Variants in MYL4 observed in about 807,000 individuals in gnomAD.
The protein encoded by MYL4 is atrial myosin light chain 1.
Under a neutral mutation model 21.6 loss-of-function variants are expected in MYL4, and 16 were observed. That is an observed-to-expected ratio of 0.74 (90% CI 0.50 to 1.12). MYL4 has a LOEUF of 1.12. MYL4 is among the 50% of genes most tolerant of loss of function. The pLI, the probability that MYL4 is intolerant of heterozygous loss-of-function variation, is 0.00. For missense variants in MYL4, 249 were observed against 252.9 expected (o/e 0.98, Z 0.11); for synonymous variants, 82 against 95.7 (o/e 0.86, Z 0.83).
chr17:47,209,289 AGCCCCTCTGTGGGG>A, upstream of MYL4: 1 of 1,175,890 alleles, frequency 8.5e-7, no homozygotes, highest in Non-Finnish European at 1.2e-6. Context: ...GCTTTCACCC[AGCCCCTCTGTGGGG>A]GCTCCTGCCC....
At chr17:47,223,151 G>A (rs866002996) in intron 6 of MYL4, 94 bp downstream of exon 6, 4 of 1,330,014 alleles carry the variant, frequency 3.0e-6, no homozygotes, top group Non-Finnish European at 3.2e-6. Context: ...TCCCAGCCCT[G>A]ACCCCTTAAG....
At chr17:47,200,603 G>A (rs938115505) in intron 1 of MYL4, 10 of 152,398 alleles carry the variant, frequency 6.6e-5, no homozygotes, top group African/African-American at 2.4e-4. Flanking sequence ...ATTCCAACTT[G>A]CTCTCTGCTG....
chr17:47,197,612 G>A (rs1198444500), upstream of MYL4, among the ~76,000 whole-genome samples: 1 of 152,146 alleles, frequency 6.6e-6, no homozygotes, highest in Non-Finnish European at 1.5e-5. Flanking sequence ...GCAGTCAGTA[G>A]AAACTGTACT....
the MYL4 span, among the ~76,000 whole-genome samples, chr17:47,193,488 G>A: frequency 3.3e-5 from 5 of 151,496 alleles, no homozygotes; most frequent in Non-Finnish European, 7.4e-5. Context: ...GGCTGGTCTC[G>A]AACTCTTGAC....
chr17:47,207,522 C>G (rs532646439), upstream of MYL4, among the ~76,000 whole-genome samples: 1 of 152,264 alleles, frequency 6.6e-6, no homozygotes, highest in African/African-American at 2.4e-5. Context: ...GATGTGGGCT[C>G]CAGGGCACCC....
exon 1 of MYL4, chr17:47,200,557 A>G (rs1274013175): frequency 1.3e-5 from 2 of 152,224 alleles, no homozygotes; most frequent in Non-Finnish European, 2.9e-5. Context: ...AGCTGTTAGC[A>G]TATCTGGGAT....
At chr17:47,191,772 A>G in the MYL4 span, among the ~76,000 whole-genome samples, 1 of 152,006 alleles carries the variant, frequency 6.6e-6, no homozygotes, top group Non-Finnish European at 1.5e-5. Context: ...CCCAGCCTGT[A>G]TTTACATTTT....
the MYL4 span, among the ~76,000 whole-genome samples, chr17:47,194,197 C>T: frequency 1.3e-5 from 2 of 152,202 alleles, no homozygotes; most frequent in African/African-American, 4.8e-5. Flanking sequence ...GTACTTTGTT[C>T]GGAATGGAAC....
At chr17:47,195,522 C>T (rs144602999), upstream of MYL4, among the ~76,000 whole-genome samples, 187 of 152,220 alleles carry the variant, frequency 1.2e-3, 2 homozygotes, top group East Asian at 0.028. Flanking sequence ...AGCCACCGTG[C>T]CCAGCCAAGT....
chr17:47,202,926 T>C (rs988377741), intron 1 of MYL4, among the ~76,000 whole-genome samples: 1 of 152,138 alleles, frequency 6.6e-6, no homozygotes, highest in Non-Finnish European at 1.5e-5. Context: ...GATGTTTTCT[T>C]TCCTTGAAGC....
chr17:47,216,869 T>C (rs2064819030), intron 2 of MYL4, among the ~76,000 whole-genome samples: 1 of 152,160 alleles, frequency 6.6e-6, no homozygotes, highest in South Asian at 2.1e-4. Flanking sequence ...TAATTTTGTA[T>C]TTTTTATATA....
intron 6 of MYL4, 48 bp from the exon 7 acceptor site, chr17:47,223,461 T>C: frequency 5.3e-6 from 1 of 189,900 alleles, no homozygotes; most frequent in Non-Finnish European, 1.1e-5. Context: ...GGTAAGGGGC[T>C]GGGTCTAGGA....
chr17:47,226,712 G>A (rs555974926), downstream of MYL4, among the ~76,000 whole-genome samples: 222 of 152,336 alleles, frequency 1.5e-3, 1 homozygote, highest in African/African-American at 5.2e-3. Context: ...TGGCACAGCC[G>A]GCATGCTCCA....
chr17:47,193,001 CA>C, the MYL4 span, among the ~76,000 whole-genome samples: 1 of 152,148 alleles, frequency 6.6e-6, no homozygotes, highest in African/African-American at 2.4e-5. Context: ...GGGAACTATT[CA>C]AAAAGCTAGA....
chr17:47,218,646 G>A (rs1171625103), intron 2 of MYL4, among the ~76,000 whole-genome samples: 1 of 152,134 alleles, frequency 6.6e-6, no homozygotes, highest in South Asian at 2.1e-4. Flanking sequence ...TTAGCCAGGT[G>A]TCGTGGTGGT....
At chr17:47,211,421 T>TATAAC (rs1326700628) in intron 1 of MYL4, among the ~76,000 whole-genome samples, 19 of 152,144 alleles carry the variant, frequency 1.2e-4, no homozygotes, top group Non-Finnish European at 1.9e-4. Flanking sequence ...GATTCGAAGA[T>TATAAC]AGAACAGAAG....
In MYL4 at chr17:47,222,885, C is replaced by A. The variant is rs1598661771; in HGVS notation, c.566-129C>A. 3 of 1,153,122 alleles carry A rather than the reference C, an allele frequency of 2.6e-6. No homozygotes were observed. In the East Asian group the frequency reaches 7.1e-5, roughly 27 times the overall value. The allele number at this position is 1,153,122 out of a possible 1,614,324, so 71.4% of individuals were successfully genotyped here. ...CTCCCCACCAACCCCCAAATAAGAG[C>A]AGGAACTACACAGTCTGGAGAAAGG... is the stretch of plus-strand genomic sequence containing the variant. On this transcript the variant is annotated intron_variant, in intron 5 of 6. Coordinates refer to ENST00000393450, the MANE Select transcript of MYL4 (RefSeq NM_002476.2).
chr17:47,227,092 G>A (rs547038019), downstream of MYL4, among the ~76,000 whole-genome samples: 90 of 152,302 alleles, frequency 5.9e-4, no homozygotes, highest in African/African-American at 2.1e-3. Context: ...CTGACCTCAG[G>A]TGATCCACCT....
At chr17:47,204,798 A>G (rs781288489), upstream of MYL4, among the ~76,000 whole-genome samples, 4 of 152,094 alleles carry the variant, frequency 2.6e-5, no homozygotes, top group Admixed American at 6.5e-5. Context: ...TTCATGAGTC[A>G]GCCTTCTTAA....
Sources: gnomAD v4.1 joint callset for allele counts (sites outside exome capture counted in the v4.1 genomes callset) on GRCh38, gnomAD v4.1.1 for gene constraint, MANE v1.5 for transcripts, NCBI Gene and HGNC (gene_info 2026-07-23, HGNC 2026-07-21) for gene names.